LGALS13: variants seen among roughly 807,000 people sequenced by gnomAD.
The protein encoded by LGALS13 is galectin 13, also known as galactoside-binding soluble lectin 13.
In LGALS13, 11 loss-of-function variants were observed where a neutral mutation model predicts 13.2. The observed-to-expected ratio is 0.83, with a 90% confidence interval of 0.52 to 1.38. LGALS13 has a LOEUF of 1.38. Among genes scored for constraint, LGALS13 ranks in the 40% most tolerant of loss-of-function variants. The pLI is 0.00. For synonymous variants in LGALS13, 71 were observed against 63.7 expected (o/e 1.11, Z -0.54); for missense variants, 183 against 174.3 (o/e 1.05, Z -0.28).
intron 3 of LGALS13, 151 bp from the exon 4 acceptor site, chr19:39,607,072 G>A (rs1330580134): frequency 5.8e-6 from 4 of 692,644 alleles, no homozygotes; most frequent in African/African-American, 1.7e-5. Context: ...GGCACAAAAC[G>A]TCATCTGTAA....
intron 3 of LGALS13, among the ~76,000 whole-genome samples, chr19:39,606,348 A>T (rs759885657): frequency 5.3e-5 from 8 of 152,238 alleles, no homozygotes; most frequent in Non-Finnish European, 1.0e-4. Context: ...TGTGTTAAGA[A>T]GTTTACCCAA....
intron 3 of LGALS13, among the ~76,000 whole-genome samples, chr19:39,605,747 A>G (rs1379965259): frequency 6.6e-6 from 1 of 152,204 alleles, no homozygotes; most frequent in Non-Finnish European, 1.5e-5. Context: ...ATCAGTCACA[A>G]ATTAAGTCTT....
At chr19:39,603,978 G>A in intron 1 of LGALS13, 1 of 985,382 alleles carries the variant, frequency 1.0e-6, no homozygotes, top group Non-Finnish European at 1.2e-6. Context: ...AGTAGTGTGT[G>A]CCCCTTCTTG....
chr19:39,606,126 C>T (rs1972685226), intron 3 of LGALS13, among the ~76,000 whole-genome samples: 1 of 152,184 alleles, frequency 6.6e-6, no homozygotes, highest in Non-Finnish European at 1.5e-5. Context: ...GGATTACAGG[C>T]TTAAGCCACC....
Position 39,605,249 on chromosome 19 carries a change from G to A in LGALS13, c.164G>A (p.Arg55Gln), listed in dbSNP as rs780785641. 3.5e-5 allele frequency: 56 copies of A among 1,614,064 alleles called. No homozygotes were observed. Among genetic ancestry groups the A allele is most frequent in the African/African-American group, 6.7e-5 (5 of 74,914 alleles). Residue 55 changes from arginine to glutamine, a missense_variant, in exon 3 of 4, where the codon CGA becomes CAA. Arg to Gln is a conservative substitution (Grantham distance 43). Coordinates refer to ENST00000221797, the MANE Select transcript of LGALS13 (RefSeq NM_013268.3). Reference sequence around the variant, plus strand: ...GATTCAGATATTGCCTTCCGTTTCCGAGTGCACTTTGGCAATCATGTGGTC... The same window carrying A: ...GATTCAGATATTGCCTTCCGTTTCCAAGTGCACTTTGGCAATCATGTGGTC... ...DEDSDIAFRFRVHFGNHVVMN... is the reference protein window; with the variant it reads ...DEDSDIAFRFQVHFGNHVVMN...
chr19:39,604,374 G>C (rs557921690), intron 1 of LGALS13, among the ~76,000 whole-genome samples: 1 of 152,266 alleles, frequency 6.6e-6, no homozygotes, highest in East Asian at 1.9e-4. Flanking sequence ...GCTAGTAAAA[G>C]GCAGAATGAG....
chr19:39,606,207 T>C (rs914399539), intron 3 of LGALS13, among the ~76,000 whole-genome samples: 1 of 152,236 alleles, frequency 6.6e-6, no homozygotes, highest in Non-Finnish European at 1.5e-5. Flanking sequence ...CATTTGTTTT[T>C]AAGCAAATCC....
intron 3 of LGALS13, 151 bp downstream of exon 3, chr19:39,605,539 C>T: frequency 1.4e-6 from 1 of 714,424 alleles, no homozygotes; most frequent in Non-Finnish European, 2.5e-6. Context: ...CCCCTGCTTG[C>T]ACTGCCATCC....
At chr19:39,604,947 T>A in intron 2 of LGALS13, 1 of 654,056 alleles carries the variant, frequency 1.5e-6, no homozygotes, top group Admixed American at 2.3e-5. Context: ...AATGAACAAG[T>A]CATAGGCCCA....
rs368023290 is a variant in LGALS13 at position 39,607,255 on chromosome 19, T to C, written c.336T>C (p.Phe112=). The change falls in exon 4 of 4, where the codon TTT becomes TTC. Residue 112 remains phenylalanine, a synonymous_variant. Transcript: ENST00000221797. ...TCAATGGCATACGCATTTACGGCTTTGTCCATCGAATCCCGCCATCATTTG... is the reference window on the plus strand; with the variant it reads ...TCAATGGCATACGCATTTACGGCTTCGTCCATCGAATCCCGCCATCATTTG... ...IKVNGIRIYG[F]VHRIPPSFVK... is the part of the protein sequence containing the mutation. 24 of 1,613,996 alleles carry C rather than the reference T, an allele frequency of 1.5e-5. No homozygotes were observed. The African/African-American group carries it at 2.4e-4, about 16-fold the overall frequency.
At chr19:39,603,633 C>T (rs533835106) in intron 1 of LGALS13, among the ~76,000 whole-genome samples, 18 of 152,056 alleles carry the variant, frequency 1.2e-4, no homozygotes, top group Middle Eastern at 3.4e-3. Context: ...GAGAGGATAA[C>T]GAGGCCAGAA....
intron 1 of LGALS13, chr19:39,604,072 C>A: frequency 1.4e-6 from 1 of 691,118 alleles, no homozygotes; most frequent in Non-Finnish European, 1.8e-6. Context: ...ATTTCCCTCT[C>A]CCTTTCAACA....
In LGALS13 at chr19:39,604,678, T is replaced by G; in HGVS notation, c.92T>G (p.Ile31Ser). The change falls in exon 2 of 4, where the codon ATC becomes AGC. Residue 31 changes from isoleucine to serine, a missense_variant and splice_region_variant. Physicochemically the swap from Ile to Ser is moderately radical, Grantham distance 142. Coordinates refer to ENST00000221797, the MANE Select transcript of LGALS13 (RefSeq NM_013268.3). ...IIKGTPIHSF[I>S]NDPQLQVDFY... ...AAAGGGACACCAATCCACTCTTTTATGTGAGTACTCCATGGTCCAATGGAG... is the reference window on the plus strand; with the variant it reads ...AAAGGGACACCAATCCACTCTTTTAGGTGAGTACTCCATGGTCCAATGGAG... 1 of 1,614,146 alleles carries G rather than the reference T, an allele frequency of 6.2e-7. No homozygotes were observed.
chr19:39,604,534 G>A, intron 1 of LGALS13, 68 bp from the exon 2 acceptor site: 1 of 1,543,752 alleles, frequency 6.5e-7, no homozygotes, highest in Admixed American at 1.7e-5. Context: ...TGCACCATGA[G>A]AATATGTTAC....
rs1428114566 is a variant in LGALS13 at position 39,602,542 on chromosome 19, C to G, written c.-27C>G. Reference sequence around the variant, plus strand: ...TTCACTCAGAAGACTGGACTCAATTCTGAAGGTCGCCAAGAAGGAGAGAAC... The same window carrying G: ...TTCACTCAGAAGACTGGACTCAATTGTGAAGGTCGCCAAGAAGGAGAGAAC... On this transcript the variant is annotated 5_prime_UTR_variant, in exon 1 of 4. Coordinates refer to ENST00000221797, the MANE Select transcript of LGALS13 (RefSeq NM_013268.3). The G allele has an allele frequency of 6.2e-7, 1 of 1,613,462 alleles. No individual in the cohort carries two copies. Among genetic ancestry groups the G allele is most frequent in the Admixed American group, 1.7e-5 (1 of 60,020 alleles).
rs1450919460 is a variant in LGALS13, at chr19:39,605,009, C to T, written c.93-169C>T. The T allele has an allele frequency of 4.2e-6, 3 of 706,038 alleles. No individual in the cohort carries two copies. The African/African-American group carries it at 5.2e-5, about 12-fold the overall frequency. 43.7% of individuals were successfully genotyped at this position (706,038 alleles called of 1,614,324 possible). A position where few individuals can be genotyped will look rare whatever the true frequency, so the allele number is the denominator to read the frequency against. ...TCTGGGGATGAGGAGCACAGAATCTCCCTGCCTGGGGGCATGAGGAGCTGA... is the reference window on the plus strand; with the variant it reads ...TCTGGGGATGAGGAGCACAGAATCTTCCTGCCTGGGGGCATGAGGAGCTGA... On this transcript the variant is annotated intron_variant, in intron 2 of 3. Transcript: ENST00000221797.
chr19:39,604,499 G>C, intron 1 of LGALS13, 103 bp from the exon 2 acceptor site: 1 of 1,263,958 alleles, frequency 7.9e-7, no homozygotes, highest in African/African-American at 1.5e-5. Context: ...AGTCCACAGA[G>C]TCTGCCCTTT....
In LGALS13 at chr19:39,605,270, T is replaced by A. The variant is rs538020245; in HGVS notation, c.185T>A (p.Val62Glu). 6.2e-7 allele frequency: 1 copy of A among 1,614,168 alleles called. No individual in the cohort carries two copies. The highest frequency in any genetic ancestry group is 2.2e-5 in the East Asian group (1 of 44,890). The change falls in exon 3 of 4, where the codon GTG becomes GAG. Residue 62 changes from valine to glutamate, a missense_variant. By Grantham distance (121) the Val-to-Glu change is moderately radical. Transcript: ENST00000221797. ...FRFRVHFGNHVVMNRREFGIW... is the reference protein window; with the variant it reads ...FRFRVHFGNHEVMNRREFGIW... ...TTCCGAGTGCACTTTGGCAATCATG[T>A]GGTCATGAACAGGCGTGAGTTTGGG...
At chr19:39,605,951 A>G (rs1972682487) in intron 3 of LGALS13, among the ~76,000 whole-genome samples, 1 of 152,148 alleles carries the variant, frequency 6.6e-6, no homozygotes, top group Non-Finnish European at 1.5e-5. Flanking sequence ...GATTCAAACA[A>G]TTCTCTCGCC....
Sources: allele counts gnomAD v4.1 joint callset (sites outside exome capture counted in the v4.1 genomes callset), GRCh38; gene constraint gnomAD v4.1.1; transcripts MANE v1.5; gene names NCBI Gene and HGNC (gene_info 2026-07-23, HGNC 2026-07-21).